DAB1: variants seen among roughly 807,000 people sequenced by gnomAD.
DAB1 encodes the protein DAB adaptor protein 1.
In DAB1, 15 loss-of-function variants were observed where a neutral mutation model predicts 64.6. The ratio of observed to expected loss-of-function variants is 0.23; its 90% CI spans 0.16 to 0.36. The LOEUF is 0.36. Among genes scored for constraint, DAB1 ranks in the 10% least tolerant of loss-of-function variants. The probability of loss-of-function intolerance (pLI) is 1.00; values close to 1 mark genes in which losing one functional copy is unlikely to be tolerated. For synonymous variants in DAB1, 235 were observed against 251.9 expected, an observed-to-expected ratio of 0.93 and a Z score of 0.64; for missense variants, 596 against 706.7, an observed-to-expected ratio of 0.84 and a Z score of 1.78.
chr1:57,527,246 C>G (rs1005992487), intron 7 of DAB1, among the ~76,000 whole-genome samples: 2 of 152,160 alleles, frequency 1.3e-5, no homozygotes, highest in Non-Finnish European at 2.9e-5. Flanking sequence ...ACTCTGAGCT[C>G]TCATACAGTT....
At chr1:58,307,552 T>C (rs1662334700) in intron 4 of DAB1, among the ~76,000 whole-genome samples, 1 of 152,134 alleles carries the variant, frequency 6.6e-6, no homozygotes, top group Non-Finnish European at 1.5e-5. Context: ...TTCCCTGAGT[T>C]TCTACTAGAT....
intron 5 of DAB1, among the ~76,000 whole-genome samples, chr1:58,107,478 A>T (rs1254944441): frequency 6.6e-6 from 1 of 151,742 alleles, no homozygotes; most frequent in Non-Finnish European, 1.5e-5. Flanking sequence ...CCAAAAAAAA[A>T]AAAAAAATCT....
chr1:57,032,725 T>C (rs1442428303), intron 9 of DAB1, among the ~76,000 whole-genome samples: 3 of 152,196 alleles, frequency 2.0e-5, no homozygotes, highest in Non-Finnish European at 2.9e-5. Context: ...CTCCTGATGA[T>C]TCCAATTTGA....
chr1:58,443,482 C>A (rs1352901622), intron 3 of DAB1, among the ~76,000 whole-genome samples: 1 of 152,092 alleles, frequency 6.6e-6, no homozygotes, highest in Admixed American at 6.5e-5. Context: ...TTGGACTAGA[C>A]CCTGGAATAG....
chr1:57,570,713 A>AT (rs1645184591), intron 7 of DAB1, among the ~76,000 whole-genome samples: 1 of 151,956 alleles, frequency 6.6e-6, no homozygotes, highest in African/African-American at 2.4e-5. Flanking sequence ...AACTAGGATT[A>AT]TTTTTTATAG....
chr1:57,142,598 T>TCACACACACACACACACACACACACA (rs149545090), intron 3 of DAB1, among the ~76,000 whole-genome samples: 2 of 142,816 alleles, frequency 1.4e-5, no homozygotes, highest in East Asian at 2.1e-4. Flanking sequence ...TCACTGCAGG[T>TCACACACACACACACACACACACACA]CACACACACA....
chr1:57,207,461 T>TTTTTTTTTTTTTTA (rs1255721794), intron 2 of DAB1, among the ~76,000 whole-genome samples: 1 of 127,248 alleles, frequency 7.9e-6, no homozygotes, highest in African/African-American at 2.9e-5. Flanking sequence ...TTTTTTTTTT[T>TTTTTTTTTTTTTTA]GAGATGGAGT....
intron 5 of DAB1, among the ~76,000 whole-genome samples, chr1:57,924,576 C>T (rs891376394): frequency 2.0e-5 from 3 of 151,900 alleles, no homozygotes; most frequent in African/African-American, 7.3e-5. Context: ...TCTCCTCCCT[C>T]AGCCTCCCGA....
intron 7 of DAB1, among the ~76,000 whole-genome samples, chr1:57,618,150 C>G (rs1342190808): frequency 6.6e-6 from 1 of 152,170 alleles, no homozygotes; most frequent in Admixed American, 6.5e-5. Flanking sequence ...CGCGGTGGCT[C>G]ACGCCTGTAA....
intron 2 of DAB1, among the ~76,000 whole-genome samples, chr1:57,179,875 C>A (rs907643958): frequency 1.3e-5 from 2 of 152,164 alleles, no homozygotes; most frequent in African/African-American, 4.8e-5. Context: ...GGATATTAAC[C>A]TGTGAACCAG....
downstream of DAB1, among the ~76,000 whole-genome samples, chr1:57,821,941 G>A (rs191799113): frequency 5.6e-4 from 85 of 152,308 alleles, 1 homozygote; most frequent in East Asian, 0.012. Context: ...CAATTTCTGT[G>A]AGGTAGAATT....
At chr1:57,832,054 T>A (rs1311580922) in intron 1 of DAB1, among the ~76,000 whole-genome samples, 1 of 152,172 alleles carries the variant, frequency 6.6e-6, no homozygotes, top group Non-Finnish European at 1.5e-5. Context: ...CATAATTAAA[T>A]CATATACACT....
intron 1 of DAB1, among the ~76,000 whole-genome samples, chr1:57,339,349 G>C (rs1185233329): frequency 6.6e-6 from 1 of 151,948 alleles, no homozygotes; most frequent in African/African-American, 2.4e-5. Flanking sequence ...GTAGAGATGG[G>C]GTTTCACTGT....
intron 4 of DAB1, among the ~76,000 whole-genome samples, chr1:58,223,999 G>T (rs2100331343): frequency 6.6e-6 from 1 of 152,218 alleles, no homozygotes; most frequent in East Asian, 1.9e-4. Context: ...TCTCAAAGTG[G>T]GAATTACTTC....
chr1:57,975,535 G>C (rs544723491), intron 5 of DAB1, among the ~76,000 whole-genome samples: 1 of 152,310 alleles, frequency 6.6e-6, no homozygotes, highest in East Asian at 1.9e-4. Context: ...TGATGCAAGG[G>C]AAAAGAATGT....
intron 5 of DAB1, among the ~76,000 whole-genome samples, chr1:58,055,882 GTTA>G (rs71246205): frequency 6.4e-4 from 95 of 147,680 alleles, no homozygotes; most frequent in Admixed American, 1.2e-3. Flanking sequence ...ATCACACCGA[GTTA>G]TTATTATTAT....
intron 2 of DAB1, among the ~76,000 whole-genome samples, chr1:57,237,903 A>C (rs1428817480): frequency 2.0e-5 from 3 of 152,154 alleles, no homozygotes; most frequent in Non-Finnish European, 2.9e-5. Flanking sequence ...CATAAAATTA[A>C]TGGAGAGGAA....
At chr1:57,236,875 T>C (rs578017173) in intron 2 of DAB1, among the ~76,000 whole-genome samples, 42 of 152,322 alleles carry the variant, frequency 2.8e-4, no homozygotes, top group Middle Eastern at 3.4e-3. Flanking sequence ...GGCTGCCCCA[T>C]AGGACTCCAT....
intron 5 of DAB1, among the ~76,000 whole-genome samples, chr1:58,079,161 G>A (rs1442978299): frequency 3.3e-5 from 5 of 152,188 alleles, no homozygotes; most frequent in African/African-American, 7.2e-5. Context: ...CAAAGTAGAC[G>A]TGGGTTAGAT....
Sources: allele counts gnomAD v4.1 joint callset (sites outside exome capture counted in the v4.1 genomes callset), GRCh38; gene constraint gnomAD v4.1.1; transcripts MANE v1.5; gene names NCBI Gene and HGNC (gene_info 2026-07-23, HGNC 2026-07-21).